Variants in LRRTM4 observed in about 807,000 individuals in gnomAD.
LRRTM4 encodes leucine-rich repeat transmembrane neuronal protein 4.
LRRTM4 carries 25 observed loss-of-function variants against 47.6 expected under a neutral mutation model. The ratio of observed to expected loss-of-function variants is 0.53; its 90% CI spans 0.38 to 0.73. The LOEUF (loss-of-function observed/expected upper bound fraction) is 0.73, where lower values mean the gene tolerates loss of function less well. LRRTM4 is among the 30% of genes least tolerant of loss of function. The pLI, the probability that LRRTM4 is intolerant of heterozygous loss-of-function variation, is 0.00. For missense variants in LRRTM4, 638 were observed against 713.4 expected, an observed-to-expected ratio of 0.89 and a Z score of 1.20; for synonymous variants, 311 against 269.5, an observed-to-expected ratio of 1.15 and a Z score of -1.51.
Position 77,079,746 on chromosome 2 carries a change from G to A in LRRTM4, c.1552-330830C>T, listed in dbSNP as rs531704410. 3.9e-5 allele frequency among the ~76,000 whole-genome samples: 6 copies of A among 151,958 alleles called. No homozygotes were observed. The South Asian group carries it at 1.3e-3, about 32-fold the overall frequency. ...CTTGATAATTATTAGTTAAAAGTTAGGTAAGTGCTATTTATTAAATAGGTA... is the reference window on the plus strand; with the variant it reads ...CTTGATAATTATTAGTTAAAAGTTAAGTAAGTGCTATTTATTAAATAGGTA... On this transcript the variant is annotated intron_variant, in intron 3 of 3. Coordinates refer to ENST00000409884, the MANE Select transcript of LRRTM4 (RefSeq NM_001134745.3).
chr2:77,156,627 T>G (rs1220689323), intron 3 of LRRTM4, among the ~76,000 whole-genome samples: 1 of 151,416 alleles, frequency 6.6e-6, no homozygotes, highest in Non-Finnish European at 1.5e-5. Flanking sequence ...GCAATATCAG[T>G]GCCAACAAAT....
chr2:77,214,532 T>C lies in LRRTM4; in HGVS notation c.1551+303786A>G, dbSNP rs368590403. Among the ~76,000 whole-genome samples the C allele has an allele frequency of 5.3e-5, 8 of 152,284 alleles. No homozygotes were observed. The East Asian group carries it at 1.2e-3, about 22-fold the overall frequency. On this transcript the variant is annotated intron_variant, in intron 3 of 3. Coordinates refer to ENST00000409884, the MANE Select transcript of LRRTM4 (RefSeq NM_001134745.3). ...TGAGGCCTCCTTAAATAGGCTCTGA[T>C]ATGCTAACTTATTTTGACATTTTCA...
intron 3 of LRRTM4, among the ~76,000 whole-genome samples, chr2:77,481,139 T>A (rs956838838): frequency 3.9e-5 from 6 of 152,184 alleles, no homozygotes; most frequent in African/African-American, 1.4e-4. Context: ...AACATGAATA[T>A]TAACTAACCT....
At chr2:76,775,739 TTC>T (rs898500131) in intron 3 of LRRTM4, among the ~76,000 whole-genome samples, 1 of 152,094 alleles carries the variant, frequency 6.6e-6, no homozygotes, top group African/African-American at 2.4e-5. Flanking sequence ...TGGTGCTCAT[TTC>T]TCTCTCTTTT....
chr2:77,003,593 G>A (rs1677518389), intron 3 of LRRTM4, among the ~76,000 whole-genome samples: 1 of 152,150 alleles, frequency 6.6e-6, no homozygotes, highest in African/African-American at 2.4e-5. Flanking sequence ...CCATGATTGT[G>A]AGGCCTTTCT....
intron 3 of LRRTM4, among the ~76,000 whole-genome samples, chr2:76,905,061 C>A (rs943137908): frequency 2.0e-5 from 3 of 152,096 alleles, no homozygotes; most frequent in Non-Finnish European, 4.4e-5. Context: ...GGGTCTCTGA[C>A]CCCCTGACCA....
intron 3 of LRRTM4, among the ~76,000 whole-genome samples, chr2:76,932,049 A>C (rs184109405): frequency 6.6e-6 from 1 of 152,138 alleles, no homozygotes; most frequent in Non-Finnish European, 1.5e-5. Flanking sequence ...ATCAGTAACT[A>C]CTGTGTTTCT....
rs1228130473 is a variant in LRRTM4, at chr2:77,267,165, G to A, written c.1551+251153C>T. Among the ~76,000 whole-genome samples, 3 of 152,258 alleles carry A rather than the reference G, an allele frequency of 2.0e-5. No individual in the cohort carries two copies. In the East Asian group the frequency reaches 5.8e-4, roughly 29 times the overall value. On this transcript the variant is annotated intron_variant, in intron 3 of 3. Transcript: ENST00000409884. ...CCAGAAAGCAGAAAATGAAGCAATT[G>A]AAATCAAGAGAATAGAATCGAATAT...
At chr2:77,349,572 G>A (rs1671686026) in intron 3 of LRRTM4, among the ~76,000 whole-genome samples, 1 of 151,968 alleles carries the variant, frequency 6.6e-6, no homozygotes, top group South Asian at 2.1e-4. Context: ...GGAAGGGAGA[G>A]ATAAGAGAAT....
rs1262180149 is a variant in LRRTM4 at position 77,251,118 on chromosome 2, T to A, written c.1551+267200A>T. ...AACTCTGTCTTCAAGAAAAAAAATA[T>A]ATATACACACATATATATGTATATA... On this transcript the variant is annotated intron_variant, in intron 3 of 3. Transcript: ENST00000409884. Among the ~76,000 whole-genome samples the A allele has an allele frequency of 1.0e-4, 15 of 144,466 alleles. 1 individual carries two copies. 94.8% of individuals were successfully genotyped at this position (144,466 alleles called of 152,430 possible).
intron 3 of LRRTM4, among the ~76,000 whole-genome samples, chr2:76,794,960 T>C (rs1002633705): frequency 6.6e-6 from 1 of 152,148 alleles, no homozygotes; most frequent in African/African-American, 2.4e-5. Flanking sequence ...TAGAAGAATA[T>C]CTTAATCTAA....
chr2:77,135,046 C>T (rs1671896802), intron 3 of LRRTM4, among the ~76,000 whole-genome samples: 1 of 152,116 alleles, frequency 6.6e-6, no homozygotes, highest in Admixed American at 6.6e-5. Context: ...CATGAATTGA[C>T]TCTGAATAAA....
At chr2:77,345,237 T>C (rs1671520070) in intron 3 of LRRTM4, among the ~76,000 whole-genome samples, 1 of 151,692 alleles carries the variant, frequency 6.6e-6, no homozygotes, top group African/African-American at 2.4e-5. Flanking sequence ...ATATAAATGG[T>C]GTAATCACAA....
intron 3 of LRRTM4, among the ~76,000 whole-genome samples, chr2:77,166,518 A>G (rs1349645250): frequency 1.3e-5 from 2 of 152,208 alleles, no homozygotes; most frequent in Admixed American, 1.3e-4. Context: ...AGCCACAAGA[A>G]CAAAGCTGGA....
chr2:77,052,923 A>C (rs1369812276), intron 3 of LRRTM4, among the ~76,000 whole-genome samples: 5 of 152,114 alleles, frequency 3.3e-5, no homozygotes, highest in Admixed American at 3.3e-4. Flanking sequence ...TAATATAATA[A>C]GGTGTTAGGC....
chr2:76,939,963 T>C (rs1044885002), intron 3 of LRRTM4, among the ~76,000 whole-genome samples: 1 of 152,094 alleles, frequency 6.6e-6, no homozygotes, highest in African/African-American at 2.4e-5. Context: ...TTGGTTCAAA[T>C]ATTCTTTTCT....
intron 3 of LRRTM4, among the ~76,000 whole-genome samples, chr2:76,809,758 G>A (rs986391311): frequency 6.6e-6 from 1 of 152,090 alleles, no homozygotes; most frequent in African/African-American, 2.4e-5. Flanking sequence ...CCTTCCTGAT[G>A]TATTTCTTTT....
intron 3 of LRRTM4, among the ~76,000 whole-genome samples, chr2:77,057,951 G>A (rs1007434357): frequency 6.6e-6 from 1 of 152,118 alleles, no homozygotes; most frequent in East Asian, 1.9e-4. Context: ...TCCATTTTCT[G>A]TATCAGCTTT....
At chr2:77,200,128 G>T (rs1282539740) in intron 3 of LRRTM4, among the ~76,000 whole-genome samples, 1 of 151,734 alleles carries the variant, frequency 6.6e-6, no homozygotes, top group African/African-American at 2.4e-5. Context: ...AACATACTTG[G>T]CCATGGAACC....
Sources: gnomAD v4.1 joint callset for allele counts (sites outside exome capture counted in the v4.1 genomes callset) on GRCh38, gnomAD v4.1.1 for gene constraint, MANE v1.5 for transcripts, NCBI Gene and HGNC (gene_info 2026-07-23, HGNC 2026-07-21) for gene names.